The following DAB2IP variants were observed in gnomAD, a reference collection of about 807,000 sequenced individuals.
The protein encoded by DAB2IP is disabled homolog 2-interacting protein.
DAB2IP carries 28 observed loss-of-function variants against 107.2 expected under a neutral mutation model. The observed-to-expected ratio is 0.26, with a 90% CI of 0.19 to 0.36. DAB2IP has a LOEUF of 0.36. Among genes scored for constraint, DAB2IP ranks in the 10% least tolerant of loss-of-function variants. The pLI is 1.00. For missense variants in DAB2IP, 1,400 were observed against 1,644.7 expected, an observed-to-expected ratio of 0.85 and a Z score of 2.57; for synonymous variants, 755 against 706.4, an observed-to-expected ratio of 1.07 and a Z score of -1.09.
At position 121,699,351 on chromosome 9, in the gene DAB2IP, C is replaced by T. The variant is rs1241635298; in HGVS notation, c.255C>T (p.Gly85=). 9.6e-6 allele frequency: 14 copies of T among 1,465,016 alleles called. No homozygotes were observed. The highest frequency in any genetic ancestry group is 1.3e-5 in the Non-Finnish European group (14 of 1,096,750). 90.8% of individuals were successfully genotyped at this position (1,465,016 alleles called of 1,614,324 possible). Residue 85 remains glycine, a synonymous_variant, in exon 3 of 16, where the codon GGC becomes GGT. Transcript: ENST00000408936. This position sits in a 1 kb window ranked among gnomAD's most constrained non-coding sequence, Gnocchi z 6.2. Reference sequence around the variant, plus strand: ...GCTTCCTCAGCCGCCGCCTCAAGGGCTCCATCAAGCGCACCAAGAGCCAGC... The same window carrying T: ...GCTTCCTCAGCCGCCGCCTCAAGGGTTCCATCAAGCGCACCAAGAGCCAGC...
intron 1 of DAB2IP, among the ~76,000 whole-genome samples, chr9:121,671,251 G>A (rs28887902): frequency 0.014 from 2,177 of 152,300 alleles, 41 homozygotes; most frequent in African/African-American, 0.047. Flanking sequence ...CAAGAGAATT[G>A]CTTGAACCCA....
At chr9:121,765,533 G>A (rs1463181356) in intron 8 of DAB2IP, among the ~76,000 whole-genome samples, 1 of 152,214 alleles carries the variant, frequency 6.6e-6, no homozygotes, top group Non-Finnish European at 1.5e-5. Context: ...GTAGCCTTGG[G>A]GTTTTAGCCT....
At chr9:121,766,974 ATTT>A (rs1241427952) in intron 9 of DAB2IP, among the ~76,000 whole-genome samples, 1 of 152,128 alleles carries the variant, frequency 6.6e-6, no homozygotes, top group Non-Finnish European at 1.5e-5. Flanking sequence ...GACATGAGAC[ATTT>A]TTTTCCTTCT....
At chr9:121,663,639 G>T (rs1833297099) in intron 1 of DAB2IP, among the ~76,000 whole-genome samples, 1 of 152,230 alleles carries the variant, frequency 6.6e-6, no homozygotes, top group Non-Finnish European at 1.5e-5. Flanking sequence ...GGAGACAGCA[G>T]GCTATCATAG....
Position 121,772,396 on chromosome 9 carries a change from A to G in DAB2IP, c.2079-211A>G, listed in dbSNP as rs1294667490. Among the ~76,000 whole-genome samples, 1 of 152,112 alleles carries G rather than the reference A, an allele frequency of 6.6e-6. No homozygotes were observed. The highest frequency in any genetic ancestry group is 1.5e-5 in the Non-Finnish European group (1 of 68,012). On this transcript the variant is annotated intron_variant, in intron 11 of 15. Coordinates refer to ENST00000408936, the Ensembl canonical transcript of DAB2IP. This position sits in a 1 kb window ranked among gnomAD's most constrained non-coding sequence, Gnocchi z 4.7. ...CCTGAAATGTGCAGTGCTGGCCCCT[A>G]AAGAAGAGGTTCTGTGCAGGAGCAG...
At chr9:121,724,294 C>T (rs887374104) in intron 3 of DAB2IP, among the ~76,000 whole-genome samples, 5 of 151,906 alleles carry the variant, frequency 3.3e-5, no homozygotes, top group African/African-American at 9.7e-5. Context: ...CACCCCTCCC[C>T]GTTCCCTGCC....
At position 121,753,467 on chromosome 9, in the gene DAB2IP, A is replaced by AC. The variant is rs1833271650; in HGVS notation, c.363-3543dup. Reference sequence around the variant, plus strand: ...GCCTTGGGCAGCAGAGAGGGACTTGACCCAGGGCTGGGGGACGGCAGAAGC... The same window carrying AC: ...GCCTTGGGCAGCAGAGAGGGACTTGACCCCAGGGCTGGGGGACGGCAGAAGC... On this transcript the variant is annotated intron_variant, in intron 3 of 15. Coordinates refer to ENST00000408936, the Ensembl canonical transcript of DAB2IP. Among the ~76,000 whole-genome samples the AC allele has an allele frequency of 2.6e-5, 4 of 152,240 alleles. No individual in the cohort carries two copies. The South Asian group carries it at 8.3e-4, about 32-fold the overall frequency.
intron 3 of DAB2IP, among the ~76,000 whole-genome samples, chr9:121,720,510 C>T (rs567811071): frequency 1.3e-5 from 2 of 152,338 alleles, no homozygotes; most frequent in South Asian, 2.1e-4. Context: ...GTTTTCCAAA[C>T]AAGGAAACTG....
At chr9:121,632,045 G>C (rs888261234) in intron 1 of DAB2IP, among the ~76,000 whole-genome samples, 3 of 152,046 alleles carry the variant, frequency 2.0e-5, no homozygotes, top group Non-Finnish European at 4.4e-5. Context: ...CAGGGTCCTC[G>C]TGGGGAGAGA....
intron 2 of DAB2IP, among the ~76,000 whole-genome samples, chr9:121,686,632 A>C (rs892093506): frequency 3.9e-5 from 6 of 152,160 alleles, no homozygotes; most frequent in African/African-American, 1.4e-4. Flanking sequence ...GGGATGAAGC[A>C]GGATTAGAAT....
intron 1 of DAB2IP, among the ~76,000 whole-genome samples, chr9:121,579,124 A>G (rs902251771): frequency 6.6e-6 from 1 of 152,038 alleles, no homozygotes; most frequent in African/African-American, 2.4e-5. Context: ...GAAATGATGT[A>G]ACTTCTCTGA....
intron 1 of DAB2IP, among the ~76,000 whole-genome samples, chr9:121,667,574 T>G (rs1406416999): frequency 6.6e-6 from 1 of 152,128 alleles, no homozygotes; most frequent in Admixed American, 6.5e-5. Flanking sequence ...CACTGCAACC[T>G]CTGCCTGCCA....
At chr9:121,567,534 C>T (rs1053433954) in intron 1 of DAB2IP, among the ~76,000 whole-genome samples, 1 of 152,242 alleles carries the variant, frequency 6.6e-6, no homozygotes, top group Non-Finnish European at 1.5e-5. Context: ...TTGCAGCCCC[C>T]CTGCCTGTCT....
intron 3 of DAB2IP, among the ~76,000 whole-genome samples, chr9:121,748,858 A>T (rs554193541): frequency 1.3e-5 from 2 of 152,272 alleles, no homozygotes; most frequent in East Asian, 3.9e-4. Context: ...GGGGAAGCAC[A>T]GGCTCCCAGG....
intron 1 of DAB2IP, among the ~76,000 whole-genome samples, chr9:121,579,881 T>C (rs1237000844): frequency 6.6e-6 from 1 of 152,224 alleles, no homozygotes; most frequent in Non-Finnish European, 1.5e-5. Flanking sequence ...TAAGGAGCAC[T>C]CAAAGCCTCC....
exon 7 of DAB2IP, chr9:121,763,600 T>C (rs775277518): frequency 1.9e-6 from 3 of 1,613,682 alleles, no homozygotes; most frequent in Non-Finnish European, 2.5e-6. Context: ...CCAAGGCCAT[T>C]GAGGAGTACC....
At chr9:121,647,816 T>C (rs1274384281), upstream of DAB2IP, among the ~76,000 whole-genome samples, 3 of 149,456 alleles carry the variant, frequency 2.0e-5, no homozygotes, top group African/African-American at 7.3e-5. Context: ...TATATACACA[T>C]ATATATACAT....
At chr9:121,784,875 G>C (rs1050219190) in exon 16 of DAB2IP, 1 of 152,476 alleles carries the variant, frequency 6.6e-6, no homozygotes, top group Non-Finnish European at 1.5e-5. Flanking sequence ...TCAACGGGGG[G>C]CTCCTGCCCA....
chr9:121,760,506 A>C lies in DAB2IP; in HGVS notation c.1170+67A>C, dbSNP rs1051282387. 7 of 1,474,948 alleles carry C rather than the reference A, an allele frequency of 4.7e-6. No homozygotes were observed. Among genetic ancestry groups the C allele is most frequent in the Middle Eastern group, 3.7e-4 (2 of 5,400 alleles). The allele number at this position is 1,474,948 out of a possible 1,614,324, so 91.4% of individuals were successfully genotyped here. A position where few individuals can be genotyped will look rare whatever the true frequency, so the allele number is the denominator to read the frequency against. On this transcript the variant is annotated intron_variant, in intron 6 of 15. Transcript: ENST00000408936. The surrounding 1 kb of genome is among the most constrained non-coding windows in gnomAD (Gnocchi z 5.9). ...AGCACTGGGTTACCTGCCCTTCCTC[A>C]CATCCGTACATTTCAGGCCTAACAG...
Sources: gnomAD v4.1 joint callset for allele counts (sites outside exome capture counted in the v4.1 genomes callset) on GRCh38, gnomAD v4.1.1 for gene constraint, Gnocchi (gnomAD v3.1) non-coding constraint, MANE v1.5 for transcripts, NCBI Gene and HGNC (gene_info 2026-07-23, HGNC 2026-07-21) for gene names.